Variants in RYR3 observed in about 807,000 individuals in gnomAD.
RYR3 encodes ryanodine receptor 3, also known as brain ryanodine receptor-calcium release channel.
A neutral mutation model predicts 584.3 loss-of-function variants in RYR3; 207 were observed. The ratio of observed to expected loss-of-function variants is 0.35; its 90% CI spans 0.32 to 0.40. The LOEUF (loss-of-function observed/expected upper bound fraction) is 0.40, where lower values mean the gene tolerates loss of function less well. Ranked by LOEUF, RYR3 falls within the 10% of genes least tolerant of loss-of-function variation. The pLI is 1.00. For missense variants in RYR3, 5,616 were observed against 6,089.2 expected (o/e 0.92, Z 2.59); for synonymous variants, 2,416 against 2,248.5 (o/e 1.07, Z -2.11).
intron 102 of RYR3, among the ~76,000 whole-genome samples, chr15:33,862,371 G>C (rs1364032426): frequency 5.8e-5 from 1 of 17,190 alleles, no homozygotes; most frequent in African/African-American, 3.0e-4. Context: ...TTTAGCACCA[G>C]CTAATTTTTT....
At position 33,669,890 on chromosome 15, in the gene RYR3, T is replaced by G. The variant is rs1020525687; in HGVS notation, c.5722+434T>G. Among the ~76,000 whole-genome samples, 1,109 of 132,610 alleles carry G rather than the reference T, an allele frequency of 8.4e-3. 17 individuals carry two copies. The highest frequency in any genetic ancestry group is 0.029 in the African/African-American group (1,003 of 34,914). The allele number at this position is 132,610 out of a possible 152,430, so 87.0% of individuals were successfully genotyped here. ...TGTGTGGGTGTGTGTGGTGTGTGTG[T>G]GTGTGTGTGTGTGTTTAGTAACTTC... is the stretch of plus-strand genomic sequence containing the variant. On this transcript the variant is annotated intron_variant, in intron 37 of 103. Transcript: ENST00000634891.
At chr15:33,674,248 G>A (rs2064021462) in intron 38 of RYR3, among the ~76,000 whole-genome samples, 2 of 152,208 alleles carry the variant, frequency 1.3e-5, no homozygotes, top group Non-Finnish European at 2.9e-5. Context: ...ATACGCACAT[G>A]CAAAGTGAGA....
intron 16 of RYR3, among the ~76,000 whole-genome samples, chr15:33,594,322 C>G (rs2059272359): frequency 6.6e-6 from 1 of 152,148 alleles, no homozygotes; most frequent in Non-Finnish European, 1.5e-5. Flanking sequence ...GCAAATAACT[C>G]TATTGCCATG....
intron 1 of RYR3, among the ~76,000 whole-genome samples, chr15:33,338,800 C>G (rs7171077): frequency 0.092 from 14,030 of 152,096 alleles, 1,378 homozygotes; most frequent in African/African-American, 0.25. Flanking sequence ...AGCTAGTTAC[C>G]TGCAACAATG....
intron 17 of RYR3, 97 bp from the exon 18 acceptor site, chr15:33,603,026 T>A: frequency 7.9e-7 from 1 of 1,273,208 alleles, no homozygotes; most frequent in Non-Finnish European, 1.1e-6. Context: ...GCTCTTGTCC[T>A]ACGTGTAAAT....
chr15:33,372,358 ATTTTTTTTTTTTT>A (rs59663566), intron 1 of RYR3, among the ~76,000 whole-genome samples: 4 of 75,550 alleles, frequency 5.3e-5, no homozygotes, highest in Non-Finnish European at 9.5e-5. Flanking sequence ...TGCCCGGCTA[ATTTTTTTTTTTTT>A]TTTTTTTTTT....
chr15:33,388,979 A>G (rs897847912), intron 1 of RYR3, among the ~76,000 whole-genome samples: 1 of 151,330 alleles, frequency 6.6e-6, no homozygotes, highest in Admixed American at 6.6e-5. Flanking sequence ...ATTCTCAGCA[A>G]ACTATCACAA....
intron 31 of RYR3, among the ~76,000 whole-genome samples, chr15:33,650,533 T>G (rs906602158): frequency 5.9e-5 from 9 of 152,220 alleles, no homozygotes; most frequent in Non-Finnish European, 1.3e-4. Flanking sequence ...TTGTGAAGAT[T>G]AAATAAGTTA....
At position 33,701,139 on chromosome 15, in the gene RYR3, T is replaced by C. The variant is rs1197475839; in HGVS notation, c.6483+59T>C. ...TCTTCGGCCTGTAGTGCAGCTAAGC[T>C]AAGGATAAGCAGACCACGGATGGAG... On this transcript the variant is annotated intron_variant, in intron 42 of 103. Transcript: ENST00000634891. The C allele has an allele frequency of 7.0e-6, 8 of 1,148,710 alleles. No homozygotes were observed. In the Admixed American group the frequency reaches 9.5e-5, roughly 14 times the overall value. The allele number at this position is 1,148,710 out of a possible 1,614,324, so 71.2% of individuals were successfully genotyped here. A position where few individuals can be genotyped will look rare whatever the true frequency, so the allele number is the denominator to read the frequency against.
chr15:33,643,388 C>A (rs1244164923), intron 27 of RYR3, among the ~76,000 whole-genome samples: 1 of 152,196 alleles, frequency 6.6e-6, no homozygotes, highest in Non-Finnish European at 1.5e-5. Context: ...AAATAGCCCA[C>A]AAACAAGAAC....
At chr15:33,854,242 C>G (rs910106382) in intron 96 of RYR3, 147 bp from the exon 97 acceptor site, 24 of 637,840 alleles carry the variant, frequency 3.8e-5, no homozygotes, top group Non-Finnish European at 6.3e-5. Flanking sequence ...GTTCTCTTGT[C>G]TCATGGGGAG....
At chr15:33,816,788 A>C in intron 74 of RYR3, 74 bp from the exon 75 acceptor site, 1 of 934,706 alleles carries the variant, frequency 1.1e-6, no homozygotes, top group Non-Finnish European at 1.7e-6. Context: ...CTGCTTACTA[A>C]CCATTAACTG....
At chr15:33,748,605 A>T in intron 55 of RYR3, 75 bp downstream of exon 55, 3 of 1,255,498 alleles carry the variant, frequency 2.4e-6, no homozygotes, top group Non-Finnish European at 3.4e-6. Context: ...AAAGGGGGAA[A>T]AAAGGGAAAG....
chr15:33,562,923 C>T lies in RYR3; in HGVS notation c.1059C>T (p.Cys353=), dbSNP rs1174654342. The T allele has an allele frequency of 6.2e-7, 1 of 1,613,684 alleles. No homozygotes were observed. Among genetic ancestry groups the T allele is most frequent in the African/African-American group, 1.3e-5 (1 of 74,924 alleles). ...VPEIKYGDSV[C]FVQHIASGLW... is the part of the protein sequence containing the mutation. ...AAATCAAGTATGGAGATTCTGTCTG[C>T]TTTGTGCAGCATATAGCCAGTGGTC... The change falls in exon 11 of 104, where the codon TGC becomes TGT. Residue 353 remains cysteine, a synonymous_variant. Transcript: ENST00000634891.
intron 2 of RYR3, among the ~76,000 whole-genome samples, chr15:33,491,511 C>T (rs2050961226): frequency 6.6e-6 from 1 of 152,150 alleles, no homozygotes; most frequent in African/African-American, 2.4e-5. Flanking sequence ...TGGCATTGCT[C>T]CATCAGTTTC....
chr15:33,842,079 C>T, intron 91 of RYR3, 44 bp downstream of exon 91: 2 of 1,563,636 alleles, frequency 1.3e-6, no homozygotes, highest in South Asian at 1.2e-5. Context: ...CAGGGATTGG[C>T]CCAGGCAGAT....
intron 1 of RYR3, among the ~76,000 whole-genome samples, chr15:33,460,695 G>A (rs1450964942): frequency 6.6e-6 from 1 of 152,122 alleles, no homozygotes; most frequent in African/African-American, 2.4e-5. Context: ...GACTTAATAC[G>A]TCTGAGGCCA....
chr15:33,665,094 G>C (rs1034866654), intron 36 of RYR3, among the ~76,000 whole-genome samples: 2 of 151,984 alleles, frequency 1.3e-5, no homozygotes, highest in African/African-American at 4.8e-5. Flanking sequence ...TTGTCAGGCT[G>C]CTTTTAGACT....
At position 33,644,430 on chromosome 15, in the gene RYR3, G is replaced by T; in HGVS notation, c.3676G>T (p.Ala1226Ser). The T allele has an allele frequency of 6.2e-7, 1 of 1,613,914 alleles. No individual in the cohort carries two copies. Among genetic ancestry groups the T allele is most frequent in the South Asian group, 1.1e-5 (1 of 91,042 alleles). The change falls in exon 28 of 104, where the codon GCT (alanine) becomes TCT (serine). Residue 1226 changes from alanine to serine, a missense_variant. By Grantham distance (99) the Ala-to-Ser change is moderately conservative. This residue lies in a region of RYR3 where 152 missense variants were observed against 200.9 expected (regional missense o/e 0.76). Coordinates refer to ENST00000634891, the MANE Select transcript of RYR3 (RefSeq NM_001036.6). Reference sequence around the variant, plus strand: ...TCTCCAAGAGGGCTTTGAGCCTTTTGCTGTCAACATGAACAGAGATGTTGC... The same window carrying T: ...TCTCCAAGAGGGCTTTGAGCCTTTTTCTGTCAACATGAACAGAGATGTTGC... The part of the protein sequence containing the change: ...CGLQEGFEPF[A>S]VNMNRDVAMW...
Sources: gnomAD v4.1 joint callset for allele counts (sites outside exome capture counted in the v4.1 genomes callset) on GRCh38, gnomAD v4.1.1 for gene constraint, gnomAD v4.1.1 regional missense constraint, MANE v1.5 for transcripts, NCBI Gene and HGNC (gene_info 2026-07-23, HGNC 2026-07-21) for gene names.